BUD23: variants seen among roughly 807,000 people sequenced by gnomAD.
BUD23 encodes the protein BUD23 rRNA methyltransferase and ribosome maturation factor.
Under a neutral mutation model 47.0 loss-of-function variants are expected in BUD23, and 34 were observed. The ratio of observed to expected loss-of-function variants is 0.72; its 90% CI spans 0.55 to 0.96. The LOEUF (loss-of-function observed/expected upper bound fraction) is 0.96, where lower values mean the gene tolerates loss of function less well. Ranked by LOEUF, BUD23 falls within the 40% of genes least tolerant of loss-of-function variation. The probability of loss-of-function intolerance (pLI) is 0.00; values close to 1 mark genes in which losing one functional copy is unlikely to be tolerated. For missense variants in BUD23, 343 were observed against 361.2 expected (o/e 0.95, Z 0.41); for synonymous variants, 124 against 132.0 (o/e 0.94, Z 0.41).
chr7:73,693,870 T>A, intron 9 of BUD23, 122 bp from the exon 10 acceptor site: 1 of 1,391,562 alleles, frequency 7.2e-7, no homozygotes, highest in Non-Finnish European at 1.0e-6. Flanking sequence ...TGTCAGTTCC[T>A]TCTCGTGGGA....
At chr7:73,686,512 G>A in intron 2 of BUD23, 124 bp from the exon 3 acceptor site, 1 of 849,420 alleles carries the variant, frequency 1.2e-6, no homozygotes, top group Admixed American at 2.2e-5. Context: ...GAGTACCTCG[G>A]GATGATTGAT....
intron 5 of BUD23, 24 bp from the exon 6 acceptor site, chr7:73,690,892 C>A: frequency 6.2e-7 from 1 of 1,608,084 alleles, no homozygotes; most frequent in South Asian, 1.1e-5. Flanking sequence ...GCTCCGTTGC[C>A]TGACTAGGTC....
At position 73,686,626 on chromosome 7, in the gene BUD23, G is replaced by A; in HGVS notation, c.87-10G>A. The A allele has an allele frequency of 1.9e-6, 3 of 1,613,854 alleles. No homozygotes were observed. The highest frequency in any genetic ancestry group is 2.5e-6 in the Non-Finnish European group (3 of 1,179,822). On this transcript the variant is annotated splice_polypyrimidine_tract_variant and intron_variant, in intron 2 of 11. Coordinates refer to ENST00000265758, the MANE Select transcript of BUD23 (RefSeq NM_017528.5). ...CTTTACCATGTCCACTTGTGTTTCT[G>A]CCTTACCAGCTCACGGATGATTGAT...
intron 6 of BUD23, among the ~76,000 whole-genome samples, chr7:73,691,902 G>A (rs537102440): frequency 6.6e-6 from 1 of 152,292 alleles, no homozygotes; most frequent in Non-Finnish European, 1.5e-5. Context: ...ACTGTGCCCA[G>A]CTTAAAAATG....
At chr7:73,692,711 G>C in intron 7 of BUD23, 65 bp downstream of exon 7, 2 of 1,508,594 alleles carry the variant, frequency 1.3e-6, no homozygotes, top group Non-Finnish European at 1.8e-6. Context: ...CTGTCCTGGG[G>C]AAGCGACAAA....
chr7:73,687,281 A>AT (rs1490870263), intron 5 of BUD23, among the ~76,000 whole-genome samples, 186 bp downstream of exon 5: 1 of 151,816 alleles, frequency 6.6e-6, no homozygotes, highest in African/African-American at 2.4e-5. Flanking sequence ...TACCTAGCTA[A>AT]TTTTTTGTTT....
chr7:73,697,510 C>T, intron 10 of BUD23, 95 bp from the exon 11 acceptor site: 1 of 1,596,974 alleles, frequency 6.3e-7, no homozygotes. Flanking sequence ...GGCCACCAGA[C>T]TCGGAGGTAA....
chr7:73,697,727 T>TG (rs3830638), intron 11 of BUD23, 33 bp downstream of exon 11: 21 of 1,610,392 alleles, frequency 1.3e-5, no homozygotes, highest in Admixed American at 1.2e-4. Flanking sequence ...GCAGGGTGGG[T>TG]GGGGGGTGGA....
intron 10 of BUD23, chr7:73,695,442 G>C (rs371045781): frequency 6.6e-6 from 1 of 151,310 alleles, no homozygotes; most frequent in African/African-American, 2.4e-5. Flanking sequence ...GTAGAGACAG[G>C]GTTTCACCAT....
chr7:73,698,070 A>G lies in BUD23; in HGVS notation c.*184A>G. 1 of 347,036 alleles carries G rather than the reference A, an allele frequency of 2.9e-6. No individual in the cohort carries two copies. The highest frequency in any genetic ancestry group is 4.8e-6 in the Non-Finnish European group (1 of 210,148). 21.5% of individuals were successfully genotyped at this position (347,036 alleles called of 1,614,324 possible). A position where few individuals can be genotyped will look rare whatever the true frequency, so the allele number is the denominator to read the frequency against. The stretch of plus-strand genomic sequence containing the variant: ...CAGCACCTTGGGAGGCTGAGGTGGG[A>G]GGATCATTTGAGGCCAGGAGTTTGA... On this transcript the variant is annotated 3_prime_UTR_variant, in exon 12 of 12. Transcript: ENST00000265758.
chr7:73,697,447 G>A (rs1554615019), intron 10 of BUD23, 158 bp from the exon 11 acceptor site: 2 of 1,538,944 alleles, frequency 1.3e-6, no homozygotes, highest in South Asian at 2.4e-5. Context: ...GGTGTCCAGA[G>A]CGGGGAATTG....
In BUD23 at chr7:73,686,889, C is replaced by G. The variant is rs372118892; in HGVS notation, c.254C>G (p.Pro85Arg). 6.2e-7 allele frequency: 1 copy of G among 1,614,190 alleles called. No individual in the cohort carries two copies. The highest frequency in any genetic ancestry group is 8.5e-7 in the Non-Finnish European group (1 of 1,180,040). Residue 85 changes from proline (P) to arginine (R), a missense_variant, in exon 4 of 12, where the codon CCT (proline) becomes CGT (arginine). Pro to Arg is a moderately radical substitution (Grantham distance 103, BLOSUM62 -2). Transcript: ENST00000265758. ...GHYWVGLDISPAMLDEAVDRE... is the reference protein window; with the variant it reads ...GHYWVGLDISRAMLDEAVDRE... ...TATTGGGTGGGCCTGGATATCAGCC[C>G]TGCCATGCTGGGTAAGTATGTCCTG...
intron 10 of BUD23, chr7:73,697,344 G>A (rs892318881): frequency 8.4e-6 from 10 of 1,186,020 alleles, no homozygotes; most frequent in African/African-American, 1.5e-5. Flanking sequence ...CAGACTGCTC[G>A]CTGGTGTTTA....
chr7:73,687,041 G>A lies in BUD23; in HGVS notation c.308G>A (p.Gly103Glu). The A allele has an allele frequency of 6.2e-7, 1 of 1,614,102 alleles. No individual in the cohort carries two copies. Residue 103 changes from glycine (G) to glutamate (E), a missense_variant, in exon 5 of 12, where the codon GGG (glycine) becomes GAG (glutamate). Transcript: ENST00000265758. ...GAGATAGAGGGAGACCTGCTGCTGGGGGATATGGGCCAGGGCATCCCATTC... is the reference window on the plus strand; with the variant it reads ...GAGATAGAGGGAGACCTGCTGCTGGAGGATATGGGCCAGGGCATCCCATTC... ...DREIEGDLLL[G>E]DMGQGIPFKP...
At chr7:73,684,059 G>T (rs1797840726) in intron 2 of BUD23, 5 of 1,320,546 alleles carry the variant, frequency 3.8e-6, no homozygotes, top group South Asian at 3.1e-5. Context: ...GTGACAATTT[G>T]TCCTAAACAT....
At position 73,686,912 on chromosome 7, in the gene BUD23, C is replaced by T. The variant is rs782049879; in HGVS notation, c.265+12C>T. On this transcript the variant is annotated intron_variant, in intron 4 of 11. Transcript: ENST00000265758. ...CCCTGCCATGCTGGGTAAGTATGTC[C>T]TGTCTGGCACCAGGGTGGATTACCC... The T allele has an allele frequency of 1.2e-5, 20 of 1,613,996 alleles. No individual in the cohort carries two copies. The highest frequency in any genetic ancestry group is 8.3e-5 in the Admixed American group (5 of 60,002).
chr7:73,686,434 C>T lies in BUD23; in HGVS notation c.87-202C>T, dbSNP rs181533412. ...CACAAAATAACATGGTCCTGAATTACATGGAATTTTTGGGGTCACTTTCGA... is the reference window on the plus strand; with the variant it reads ...CACAAAATAACATGGTCCTGAATTATATGGAATTTTTGGGGTCACTTTCGA... On this transcript the variant is annotated intron_variant, in intron 2 of 11. Coordinates refer to ENST00000265758, the MANE Select transcript of BUD23 (RefSeq NM_017528.5). Among the ~76,000 whole-genome samples, 40 of 152,330 alleles carry T rather than the reference C, an allele frequency of 2.6e-4. 1 individual carries two copies. The East Asian group carries it at 4.8e-3, about 18-fold the overall frequency.
At chr7:73,687,158 C>A in intron 5 of BUD23, 63 bp downstream of exon 5, 1 of 1,542,420 alleles carries the variant, frequency 6.5e-7, no homozygotes, top group Non-Finnish European at 8.9e-7. Flanking sequence ...ATCACTTAGG[C>A]TCTAGTGCAG....
At chr7:73,686,518 T>G (rs1797975083) in intron 2 of BUD23, 118 bp from the exon 3 acceptor site, 3 of 872,468 alleles carry the variant, frequency 3.4e-6, no homozygotes, top group Non-Finnish European at 3.7e-6. Context: ...CTCGGGATGA[T>G]TGATCCGTTT....
Sources: allele counts gnomAD v4.1 joint callset (sites outside exome capture counted in the v4.1 genomes callset), GRCh38; gene constraint gnomAD v4.1.1; transcripts MANE v1.5; gene names NCBI Gene and HGNC (gene_info 2026-07-23, HGNC 2026-07-21).